Variants in ZNF257 observed in about 807,000 individuals in gnomAD.
ZNF257 encodes zinc finger protein 257, also known as bone marrow zinc finger 4.
A neutral mutation model predicts 11.9 loss-of-function variants in ZNF257; 12 were observed. The observed-to-expected ratio is 1.01, with a 90% confidence interval of 0.65 to 1.63. The LOEUF (loss-of-function observed/expected upper bound fraction) is 1.63. Ranked by LOEUF, ZNF257 falls within the 40% of genes most tolerant of loss-of-function variation. ZNF257 has a pLI of 0.00. For missense variants in ZNF257, 580 were observed against 665.5 expected (o/e 0.87, Z 1.41); for synonymous variants, 183 against 222.7 (o/e 0.82, Z 1.59).
rs1408017047 is a variant in ZNF257, at chr19:22,073,523, C to T, written c.185C>T (p.Pro62Leu). ...ACCTGTCTGGAGCAAGGAAAAGAGCCCTGTAATATGAAGAGACATGAGATG... is the reference window on the plus strand; with the variant it reads ...ACCTGTCTGGAGCAAGGAAAAGAGCTCTGTAATATGAAGAGACATGAGATG... ...LITCLEQGKE[P>L]CNMKRHEMVA... Residue 62 changes from proline (P) to leucine (L), a missense_variant, in exon 3 of 4, where the codon CCC becomes CTC. Coordinates refer to ENST00000594947, the MANE Select transcript of ZNF257 (RefSeq NM_033468.4). The T allele has an allele frequency of 8.7e-6, 14 of 1,611,864 alleles. No homozygotes were observed. The highest frequency in any genetic ancestry group is 1.1e-5 in the Non-Finnish European group (13 of 1,179,134).
chr19:22,079,571 C>G (rs1289076834), intron 3 of ZNF257, among the ~76,000 whole-genome samples: 1 of 152,064 alleles, frequency 6.6e-6, no homozygotes, highest in African/African-American at 2.4e-5. Context: ...GAACTCCCCT[C>G]TATAAACCCA....
intron 1 of ZNF257, among the ~76,000 whole-genome samples, chr19:22,072,091 T>A (rs1210340840): frequency 6.6e-6 from 1 of 152,192 alleles, no homozygotes; most frequent in Non-Finnish European, 1.5e-5. Context: ...GATTTACTTC[T>A]GGGAGAAAAT....
rs374023957 is a variant in ZNF257 at position 22,089,241 on chromosome 19, C to T, written c.1491C>T (p.Asn497=). The change falls in exon 4 of 4, where the codon AAC becomes AAT. Residue 497 remains asparagine, a synonymous_variant. Transcript: ENST00000594947. ...GTGAAGAATGTGGCAAAGCCTTTAA[C>T]CGGTCTTCACACCTTTCTCAACATA... ...YKCEECGKAF[N]RSSHLSQHKI... 7.4e-6 allele frequency: 12 copies of T among 1,613,294 alleles called. No individual in the cohort carries two copies. The highest frequency in any genetic ancestry group is 1.0e-5 in the Non-Finnish European group (12 of 1,179,770).
chr19:22,056,013 C>T (rs958355635), intron 1 of ZNF257, among the ~76,000 whole-genome samples: 1 of 149,400 alleles, frequency 6.7e-6, no homozygotes, highest in Non-Finnish European at 1.5e-5. Context: ...CGAGATCGCA[C>T]CACTGCACTC....
At chr19:22,081,222 G>A (rs1472427131) in intron 3 of ZNF257, among the ~76,000 whole-genome samples, 2 of 151,562 alleles carry the variant, frequency 1.3e-5, no homozygotes, top group African/African-American at 2.4e-5. Context: ...ATATATACAC[G>A]TATCTGTAGG....
At chr19:22,055,962 G>A (rs912374573) in intron 1 of ZNF257, among the ~76,000 whole-genome samples, 4 of 151,478 alleles carry the variant, frequency 2.6e-5, no homozygotes, top group African/African-American at 9.7e-5. Flanking sequence ...GGCTGAGGCA[G>A]GAGAATGGCG....
chr19:22,052,872 CCT>C (rs1256880299), intron 1 of ZNF257, among the ~76,000 whole-genome samples: 1 of 152,064 alleles, frequency 6.6e-6, no homozygotes, highest in Non-Finnish European at 1.5e-5. Flanking sequence ...GGCCTGGATC[CCT>C]CTCTCGGCAG....
intron 3 of ZNF257, among the ~76,000 whole-genome samples, chr19:22,076,291 A>C (rs1056391531): frequency 4.7e-5 from 7 of 149,844 alleles, no homozygotes; most frequent in African/African-American, 1.7e-4. Context: ...ATACAAAATA[A>C]ATAATAAATA....
intron 3 of ZNF257, among the ~76,000 whole-genome samples, chr19:22,084,032 C>T (rs954817762): frequency 2.0e-5 from 3 of 151,266 alleles, no homozygotes; most frequent in Non-Finnish European, 2.9e-5. Context: ...CCTAGCTATT[C>T]GGGGGGCCAA....
Position 22,088,838 on chromosome 19 carries a change from A to T in ZNF257, c.1088A>T (p.Lys363Met). 1 of 1,613,462 alleles carries T rather than the reference A, an allele frequency of 6.2e-7. No individual in the cohort carries two copies. Among genetic ancestry groups the T allele is most frequent in the South Asian group, 1.1e-5 (1 of 91,042 alleles). The change falls in exon 4 of 4, where the codon AAG becomes ATG. Residue 363 changes from lysine to methionine, a missense_variant. Physicochemically the swap from Lys to Met is moderately conservative, Grantham distance 95. Coordinates refer to ENST00000594947, the MANE Select transcript of ZNF257 (RefSeq NM_033468.4). ...CGGTCTTCACACCTTACTCAACATA[A>T]GATAATTCATACTAAAGAGAAACCC... ...FNRSSHLTQHKIIHTKEKPYK... is the reference protein window; with the variant it reads ...FNRSSHLTQHMIIHTKEKPYK...
In ZNF257 at chr19:22,088,483, A is replaced by T. The variant is rs533154420; in HGVS notation, c.733A>T (p.Thr245Ser). ...GKAFNRSSHL[T>S]QHKVIHTREK... is the part of the protein sequence containing the mutation. Reference sequence around the variant, plus strand: ...AGCTTTTAACCGGTCTTCACACCTTACTCAACATAAGGTAATTCATACTAG... The same window carrying T: ...AGCTTTTAACCGGTCTTCACACCTTTCTCAACATAAGGTAATTCATACTAG... Residue 245 changes from threonine to serine, a missense_variant, in exon 4 of 4, where the codon ACT becomes TCT. Thr to Ser is a moderately conservative substitution (Grantham distance 58, BLOSUM62 1). Transcript: ENST00000594947. 4 of 1,612,298 alleles carry T rather than the reference A, an allele frequency of 2.5e-6. No homozygotes were observed. The Admixed American group carries it at 5.0e-5, about 20-fold the overall frequency.
At chr19:22,063,756 A>T (rs1696893443) in intron 1 of ZNF257, among the ~76,000 whole-genome samples, 5 of 152,134 alleles carry the variant, frequency 3.3e-5, no homozygotes, top group Admixed American at 3.3e-4. Flanking sequence ...GTATTTGCTG[A>T]GTATTGTTTT....
At chr19:22,085,996 T>C (rs1176927441) in intron 3 of ZNF257, among the ~76,000 whole-genome samples, 3 of 152,132 alleles carry the variant, frequency 2.0e-5, no homozygotes, top group Non-Finnish European at 4.4e-5. Flanking sequence ...GTTTTAATGT[T>C]TTTTAATGAA....
chr19:22,064,418 G>C (rs556100040), intron 1 of ZNF257: 1 of 152,272 alleles, frequency 6.6e-6, no homozygotes, highest in South Asian at 2.1e-4. Context: ...CTTTGGCAAA[G>C]TTTTTTCCTT....
rs1271782391 is a variant in ZNF257 at position 22,088,246 on chromosome 19, A to C, written c.496A>C (p.Arg166=). 1.9e-6 allele frequency: 3 copies of C among 1,612,726 alleles called. No individual in the cohort carries two copies. Among genetic ancestry groups the C allele is most frequent in the East Asian group, 4.5e-5 (2 of 44,878 alleles). The change falls in exon 4 of 4, where the codon AGA becomes CGA. Residue 166 remains arginine (R), a synonymous_variant. Transcript: ENST00000594947. ...KFSNSDRHKI[R]HTEKKTCKCK... is the part of the protein sequence containing the mutation. ...TTCAAATTCAGATAGACATAAGATA[A>C]GACATACTGAAAAGAAAACTTGCAA...
intron 1 of ZNF257, among the ~76,000 whole-genome samples, chr19:22,057,343 A>G (rs1163150899): frequency 6.6e-6 from 1 of 152,184 alleles, no homozygotes; most frequent in Non-Finnish European, 1.5e-5. Context: ...AGCTAAGGCT[A>G]ATATTGAGCC....
In ZNF257 at chr19:22,088,598, AGCCCTTC is replaced by A. The variant is rs2022539670; in HGVS notation, c.849_855del (p.Pro284AsnfsTer51). On this transcript the variant is annotated frameshift_variant, in exon 4 of 4. Transcript: ENST00000594947. LOFTEE classifies it low-confidence loss of function (END_TRUNC). The stretch of plus-strand genomic sequence containing the variant: ...CATAAGAGAATTCATAATAGAGAGA[AGCCCTTC>A]AAATATGATGAATGTTGCAAAGCCT... 1 of 1,613,292 alleles carries A rather than the reference AGCCCTTC, an allele frequency of 6.2e-7. No individual in the cohort carries two copies. Among genetic ancestry groups the A allele is most frequent in the African/African-American group, 1.3e-5 (1 of 74,660 alleles).
chr19:22,064,976 C>A (rs1158882330), intron 1 of ZNF257, among the ~76,000 whole-genome samples: 1 of 150,728 alleles, frequency 6.6e-6, no homozygotes, highest in Non-Finnish European at 1.5e-5. Context: ...ATCGCTTGAA[C>A]CCAGGAAGCA....
intron 1 of ZNF257, among the ~76,000 whole-genome samples, chr19:22,054,607 T>A (rs1007804953): frequency 6.6e-6 from 1 of 152,246 alleles, no homozygotes; most frequent in African/African-American, 2.4e-5. Flanking sequence ...AAGCATTGGA[T>A]GGCACTTTAA....
Sources: allele counts gnomAD v4.1 joint callset (sites outside exome capture counted in the v4.1 genomes callset), GRCh38; gene constraint gnomAD v4.1.1; transcripts MANE v1.5; gene names NCBI Gene and HGNC (gene_info 2026-07-23, HGNC 2026-07-21).